Variants in TIAM2 observed in about 807,000 individuals in gnomAD.
TIAM2 encodes the protein rho guanine nucleotide exchange factor TIAM2.
Under a neutral mutation model 152.9 loss-of-function variants are expected in TIAM2, and 80 were observed. That is an observed-to-expected ratio of 0.52 (90% confidence interval 0.44 to 0.63). The LOEUF is 0.63. Ranked by LOEUF, TIAM2 falls within the 30% of genes least tolerant of loss-of-function variation. The pLI is 0.00. For synonymous variants in TIAM2, 804 were observed against 838.0 expected (o/e 0.96, Z 0.70); for missense variants, 1,965 against 2,120.1 (o/e 0.93, Z 1.44).
intron 1 of TIAM2, among the ~76,000 whole-genome samples, chr6:155,045,443 A>G (rs1012471056): frequency 8.1e-6 from 1 of 124,214 alleles, no homozygotes; most frequent in Non-Finnish European, 1.8e-5. Flanking sequence ...TTTTCTTAAA[A>G]TACTTATTAG....
In TIAM2 at chr6:155,164,133, G is replaced by GTTTTTTTTTTTTTTT. The variant is rs375238178; in HGVS notation, c.2029-270_2029-269insTTTTTTTTTTTTTTT. 9.8e-3 allele frequency among the ~76,000 whole-genome samples: 1,151 copies of GTTTTTTTTTTTTTTT among 117,842 alleles called. 163 individuals are homozygous for GTTTTTTTTTTTTTTT. The highest frequency in any genetic ancestry group is 0.023 in the Admixed American group (202 of 8,622). The allele number at this position is 117,842 out of a possible 152,430, so 77.3% of individuals were successfully genotyped here. ...TGGCACCACACCAGCTAATTTTTGT[G>GTTTTTTTTTTTTTTT]TTTTTTTTTTTTCTTTTTTTTAGTA... On this transcript the variant is annotated intron_variant, in intron 7 of 26. Coordinates refer to ENST00000682666, the MANE Select transcript of TIAM2 (RefSeq NM_012454.4).
At chr6:155,210,807 C>G (rs1197617063) in intron 14 of TIAM2, among the ~76,000 whole-genome samples, 1 of 152,180 alleles carries the variant, frequency 6.6e-6, no homozygotes, top group Non-Finnish European at 1.5e-5. Context: ...TTCCAAGATT[C>G]CCTGGTAATT....
intron 2 of TIAM2, among the ~76,000 whole-genome samples, chr6:155,096,067 T>TA (rs1257509337): frequency 6.6e-6 from 1 of 152,240 alleles, no homozygotes; most frequent in African/African-American, 2.4e-5. Flanking sequence ...ATAAAAGTAT[T>TA]ATCCGTTACT....
At chr6:155,242,314 CT>C (rs1479595740) in intron 16 of TIAM2, among the ~76,000 whole-genome samples, 2 of 152,220 alleles carry the variant, frequency 1.3e-5, no homozygotes, top group African/African-American at 4.8e-5. Flanking sequence ...TTCTTCATTT[CT>C]TTTTTGTTGC....
intron 1 of TIAM2, among the ~76,000 whole-genome samples, chr6:155,002,389 T>C (rs1486565730): frequency 6.6e-6 from 1 of 152,172 alleles, no homozygotes; most frequent in African/African-American, 2.4e-5. Flanking sequence ...CCAGCCTGGG[T>C]GACAGAGCAA....
At chr6:155,236,933 C>T (rs953789157) in intron 15 of TIAM2, among the ~76,000 whole-genome samples, 2 of 152,128 alleles carry the variant, frequency 1.3e-5, no homozygotes, top group Non-Finnish European at 2.9e-5. Flanking sequence ...CTGGCCCCTC[C>T]CAAATCTCAT....
intron 4 of TIAM2, among the ~76,000 whole-genome samples, chr6:155,133,641 T>C (rs1336360241): frequency 2.0e-5 from 3 of 152,118 alleles, no homozygotes; most frequent in Admixed American, 6.5e-5. Flanking sequence ...ACCATTGTAC[T>C]CTCTGCTTCA....
At chr6:155,019,538 A>C (rs765480090) in intron 1 of TIAM2, among the ~76,000 whole-genome samples, 1 of 152,184 alleles carries the variant, frequency 6.6e-6, no homozygotes, top group African/African-American at 2.4e-5. Context: ...GGTTGCAAAT[A>C]GTGGGGGTGG....
At chr6:155,177,035 A>C (rs1028813154) in intron 10 of TIAM2, 58 bp downstream of exon 10, 57 of 1,537,496 alleles carry the variant, frequency 3.7e-5, no homozygotes, top group Non-Finnish European at 4.9e-5. Flanking sequence ...TAATGTTGCA[A>C]TCTTATGCCT....
At chr6:155,027,910 G>A (rs868672714) in intron 1 of TIAM2, among the ~76,000 whole-genome samples, 1 of 90,766 alleles carries the variant, frequency 1.1e-5, no homozygotes, top group South Asian at 3.4e-4. Context: ...TATATAATAT[G>A]TACTGTGTTA....
At chr6:155,080,103 C>G (rs1303314912) in intron 1 of TIAM2, among the ~76,000 whole-genome samples, 2 of 152,178 alleles carry the variant, frequency 1.3e-5, no homozygotes, top group Non-Finnish European at 2.9e-5. Context: ...GAATCACAAC[C>G]CAAAGTAGCC....
chr6:155,014,853 T>G (rs1778546769), intron 1 of TIAM2, among the ~76,000 whole-genome samples: 1 of 152,212 alleles, frequency 6.6e-6, no homozygotes, highest in Admixed American at 6.5e-5. Context: ...TCTTCTCCTA[T>G]GAGAAAAGAA....
intron 1 of TIAM2, among the ~76,000 whole-genome samples, chr6:155,075,597 G>A (rs562893656): frequency 1.3e-5 from 2 of 152,300 alleles, no homozygotes; most frequent in South Asian, 4.1e-4. Flanking sequence ...GACCAGAAGT[G>A]TTTTGGATTT....
chr6:155,012,491 G>T (rs1322656830), intron 1 of TIAM2, among the ~76,000 whole-genome samples: 1 of 152,050 alleles, frequency 6.6e-6, no homozygotes, highest in Non-Finnish European at 1.5e-5. Flanking sequence ...GTAAGATATA[G>T]GGTATCTTAC....
At chr6:155,080,641 T>C (rs1778042324) in intron 1 of TIAM2, among the ~76,000 whole-genome samples, 1 of 152,068 alleles carries the variant, frequency 6.6e-6, no homozygotes, top group African/African-American at 2.4e-5. Flanking sequence ...GGTTTCACCA[T>C]GTTGGCTGGT....
intron 16 of TIAM2, among the ~76,000 whole-genome samples, chr6:155,242,478 G>C (rs576396982): frequency 6.6e-6 from 1 of 152,308 alleles, no homozygotes; most frequent in South Asian, 2.1e-4. Context: ...GGTGAGGGAA[G>C]GCCAGGGAGG....
chr6:155,173,199 G>GTGTCTGTC (rs56657909), intron 9 of TIAM2, among the ~76,000 whole-genome samples: 2,662 of 149,710 alleles, frequency 0.018, 92 homozygotes, highest in African/African-American at 0.063. Context: ...GTGTGTGTGT[G>GTGTCTGTC]TGTCTGTCTG....
intron 1 of TIAM2, among the ~76,000 whole-genome samples, chr6:155,087,619 G>C (rs1420459484): frequency 6.6e-6 from 1 of 151,816 alleles, no homozygotes; most frequent in Non-Finnish European, 1.5e-5. Flanking sequence ...CGTGGTGGTG[G>C]GTGCCTGTAA....
chr6:155,065,146 GT>G (rs1477238115), intron 1 of TIAM2, among the ~76,000 whole-genome samples: 16 of 152,088 alleles, frequency 1.1e-4, no homozygotes, highest in Middle Eastern at 3.4e-3. Flanking sequence ...TAGAGATGGG[GT>G]TTCACCGTGT....
Sources: gnomAD v4.1 joint callset for allele counts (sites outside exome capture counted in the v4.1 genomes callset) on GRCh38, gnomAD v4.1.1 for gene constraint, MANE v1.5 for transcripts, NCBI Gene and HGNC (gene_info 2026-07-23, HGNC 2026-07-21) for gene names.